ZNF350: variants seen among roughly 807,000 people sequenced by gnomAD.
The protein encoded by ZNF350 is zinc finger protein 350.
Under a neutral mutation model 13.1 loss-of-function variants are expected in ZNF350, and 5 were observed. That is an observed-to-expected ratio of 0.38 (90% CI 0.20 to 0.80). The LOEUF (loss-of-function observed/expected upper bound fraction) is 0.80. Among genes scored for constraint, ZNF350 ranks in the 30% least tolerant of loss-of-function variants. The probability of loss-of-function intolerance (pLI) is 0.43; values close to 1 mark genes in which losing one functional copy is unlikely to be tolerated. For synonymous variants in ZNF350, 199 were observed against 224.2 expected (o/e 0.89, Z 1.00); for missense variants, 534 against 644.2 (o/e 0.83, Z 1.85).
intron 2 of ZNF350, among the ~76,000 whole-genome samples, chr19:51,972,266 G>C (rs2085759200): frequency 1.3e-5 from 2 of 148,942 alleles, no homozygotes; most frequent in South Asian, 2.1e-4. Flanking sequence ...GAGCAGCCTG[G>C]GCAACATGAC....
intron 1 of ZNF350, chr19:51,974,926 C>T (rs140013879): frequency 1.7e-3 from 265 of 152,426 alleles, no homozygotes; most frequent in African/African-American, 4.6e-3. Flanking sequence ...TACATACACC[C>T]TGTGAAGACA....
rs769246022 is a variant in ZNF350, at chr19:51,969,113, C to T, written c.34G>A (p.Asp12Asn). 6.2e-7 allele frequency: 1 copy of T among 1,614,056 alleles called. No individual in the cohort carries two copies. The highest frequency in any genetic ancestry group is 8.5e-7 in the Non-Finnish European group (1 of 1,179,944). ...TCCCAAGTGAAGTCCACAGCCACATCCTCCAGTGTTATGGATTCCTGTAAT... is the reference window on the plus strand; with the variant it reads ...TCCCAAGTGAAGTCCACAGCCACATTCTCCAGTGTTATGGATTCCTGTAAT... ...IQAQESITLE[D>N]VAVDFTWEEW... The change falls in exon 3 of 5, where the codon GAT becomes AAT. Residue 12 changes from aspartate to asparagine, a missense_variant. Coordinates refer to ENST00000243644, the MANE Select transcript of ZNF350 (RefSeq NM_021632.4).
Position 51,965,768 on chromosome 19 carries a change from T to C in ZNF350, c.685A>G (p.Thr229Ala). 6.2e-7 allele frequency: 1 copy of C among 1,614,006 alleles called. No homozygotes were observed. The change falls in exon 5 of 5, where the codon ACA becomes GCA. Residue 229 changes from threonine to alanine, a missense_variant. Transcript: ENST00000243644. ...CTACATCTGTGGGGTTTCTCTCCTGTATGCATTACCTGGTGATCAGTTAGC... is the reference window on the plus strand; with the variant it reads ...CTACATCTGTGGGGTTTCTCTCCTGCATGCATTACCTGGTGATCAGTTAGC... ...SWLTDHQVMH[T>A]GEKPHRCSLC... is the part of the protein sequence containing the mutation.
chr19:51,966,584 C>T (rs1320895575), intron 4 of ZNF350, among the ~76,000 whole-genome samples: 1 of 151,860 alleles, frequency 6.6e-6, no homozygotes, highest in Non-Finnish European at 1.5e-5. Flanking sequence ...CGGAGTCTCA[C>T]TCTGTCGCCC....
chr19:51,982,485 A>T (rs899369628), intron 1 of ZNF350, among the ~76,000 whole-genome samples: 3 of 152,200 alleles, frequency 2.0e-5, no homozygotes, highest in African/African-American at 7.2e-5. Flanking sequence ...TATCATTTAG[A>T]AGAACTCGAA....
intron 1 of ZNF350, chr19:51,984,060 C>G (rs1368612839): frequency 6.6e-6 from 1 of 152,090 alleles, no homozygotes; most frequent in Non-Finnish European, 1.5e-5. Context: ...GCTGGTAATT[C>G]CAGCTACTCG....
At position 51,966,169 on chromosome 19, in the gene ZNF350, C is replaced by A; in HGVS notation, c.284G>T (p.Ser95Ile). 1 of 1,609,690 alleles carries A rather than the reference C, an allele frequency of 6.2e-7. No individual in the cohort carries two copies. Among genetic ancestry groups the A allele is most frequent in the South Asian group, 1.1e-5 (1 of 89,904 alleles). The change falls in exon 5 of 5, where the codon AGC becomes ATC. Residue 95 changes from serine (S) to isoleucine (I), a missense_variant. Physicochemically the swap from Ser to Ile is moderately radical, Grantham distance 142. Coordinates refer to ENST00000243644, the MANE Select transcript of ZNF350 (RefSeq NM_021632.4). The part of the protein sequence containing the change: ...DHVLERLQSE[S>I]LVNRRKPCHE... ...ACATGGTTTCCTTCTGTTCACCAGG[C>A]TTTCACTCTGCAAGCGCTCCAGCAC...
chr19:51,968,896 G>C (rs1307766703), intron 3 of ZNF350, 109 bp downstream of exon 3: 40 of 1,605,530 alleles, frequency 2.5e-5, no homozygotes, highest in Non-Finnish European at 3.4e-5. Context: ...AGAAGGATCT[G>C]AGAATCTACC....
intron 1 of ZNF350, among the ~76,000 whole-genome samples, chr19:51,983,050 G>A (rs11671769): frequency 0.38 from 57,415 of 152,074 alleles, 12,130 homozygotes; most frequent in African/African-American, 0.57. Context: ...ACAAAGAAAA[G>A]TTCCTCTGTC....
chr19:51,983,068 A>G (rs754283784), intron 1 of ZNF350, among the ~76,000 whole-genome samples: 1 of 152,226 alleles, frequency 6.6e-6, no homozygotes, highest in Non-Finnish European at 1.5e-5. Flanking sequence ...GTCTTGAGAT[A>G]CTGTTAATCT....
At chr19:51,986,162 A>AC (rs1339155622) in intron 1 of ZNF350, among the ~76,000 whole-genome samples, 1 of 151,960 alleles carries the variant, frequency 6.6e-6, no homozygotes, top group Admixed American at 6.6e-5. Flanking sequence ...ACTGAACTTG[A>AC]CCCCCCGATC....
At chr19:51,974,919 A>G (rs2085842329) in intron 1 of ZNF350, 2 of 152,452 alleles carry the variant, frequency 1.3e-5, no homozygotes, top group Admixed American at 1.3e-4. Context: ...GTCTTTGTAC[A>G]TACACCCTGT....
chr19:51,985,658 G>T (rs1415586283), intron 1 of ZNF350, among the ~76,000 whole-genome samples: 1 of 152,214 alleles, frequency 6.6e-6, no homozygotes, highest in African/African-American at 2.4e-5. Context: ...TCACGAAATG[G>T]AGATTCTGTT....
At chr19:51,978,444 G>A (rs145380468) in intron 1 of ZNF350, among the ~76,000 whole-genome samples, 2,373 of 152,256 alleles carry the variant, frequency 0.016, 36 homozygotes, top group Middle Eastern at 0.031. Flanking sequence ...TAGTTTTAAT[G>A]TCACAAAATC....
intron 1 of ZNF350, among the ~76,000 whole-genome samples, chr19:51,985,938 C>T (rs1328289678): frequency 6.6e-6 from 1 of 151,946 alleles, no homozygotes; most frequent in Non-Finnish European, 1.5e-5. Context: ...ACCCGGGAGG[C>T]GGAGATTGCA....
chr19:51,965,362 T>C lies in ZNF350; in HGVS notation c.1091A>G (p.His364Arg), dbSNP rs2085537624. ...SCSQKSGLIKHQRIHTGEKPF... is the reference protein window; with the variant it reads ...SCSQKSGLIKRQRIHTGEKPF... ...TTTCTCTCCTGTGTGAATTCTTTGA[T>C]GTTTAATGAGACCTGATTTCTGAGA... is the stretch of plus-strand genomic sequence containing the variant. Residue 364 changes from histidine (H) to arginine (R), a missense_variant, in exon 5 of 5, where the codon CAT (histidine) becomes CGT (arginine). Physicochemically the swap from His to Arg is conservative, Grantham distance 29 (BLOSUM62 0). Transcript: ENST00000243644. 1 of 1,614,164 alleles carries C rather than the reference T, an allele frequency of 6.2e-7. No individual in the cohort carries two copies. Among genetic ancestry groups the C allele is most frequent in the Admixed American group, 1.7e-5 (1 of 60,024 alleles).
chr19:51,983,046 A>G (rs2086083370), intron 1 of ZNF350, among the ~76,000 whole-genome samples: 1 of 152,246 alleles, frequency 6.6e-6, no homozygotes, highest in Non-Finnish European at 1.5e-5. Context: ...CTGTACAAAG[A>G]AAAGTTCCTC....
At chr19:51,986,734 G>A (rs962437110) in intron 1 of ZNF350, 36 bp downstream of exon 1, 1 of 152,202 alleles carries the variant, frequency 6.6e-6, no homozygotes, top group African/African-American at 2.4e-5. Context: ...CCTGAACTAG[G>A]ACAAAAAACT....
chr19:51,974,599 G>T, intron 1 of ZNF350, 68 bp from the exon 2 acceptor site: 1 of 493,620 alleles, frequency 2.0e-6, no homozygotes, highest in African/African-American at 1.9e-5. Context: ...TGTCACTGCT[G>T]CTAGGCACTC....
Sources: gnomAD v4.1 joint callset for allele counts (sites outside exome capture counted in the v4.1 genomes callset) on GRCh38, gnomAD v4.1.1 for gene constraint, MANE v1.5 for transcripts, NCBI Gene and HGNC (gene_info 2026-07-23, HGNC 2026-07-21) for gene names.